Variants in BRWD1 observed in about 807,000 individuals in gnomAD.
BRWD1 encodes bromodomain and WD repeat domain containing 1.
In BRWD1, 82 loss-of-function variants were observed where a neutral mutation model predicts 251.2. That is an observed-to-expected ratio of 0.33 (90% confidence interval 0.27 to 0.39). BRWD1 has a LOEUF of 0.39. Ranked by LOEUF, BRWD1 falls within the 10% of genes least tolerant of loss-of-function variation. The pLI, the probability that BRWD1 is intolerant of heterozygous loss-of-function variation, is 1.00. For synonymous variants in BRWD1, 918 were observed against 902.8 expected (o/e 1.02, Z -0.30); for missense variants, 2,233 against 2,711.6 (o/e 0.82, Z 3.92).
intron 31 of BRWD1, 66 bp from the exon 32 acceptor site, chr21:39,215,428 C>T (rs1485007154): frequency 2.1e-6 from 3 of 1,402,062 alleles, no homozygotes; most frequent in Non-Finnish European, 2.0e-6. Flanking sequence ...TGAAAAAATG[C>T]AGCATGTGAA....
chr21:39,215,492 A>G, intron 31 of BRWD1, 130 bp from the exon 32 acceptor site: 2 of 744,876 alleles, frequency 2.7e-6, no homozygotes, highest in South Asian at 3.6e-5. Flanking sequence ...ATAATGAATA[A>G]CCTTCTAATG....
rs1366359186 is a variant in BRWD1 at position 39,270,318 on chromosome 21, T to C, written c.1360A>G (p.Asn454Asp). The C allele has an allele frequency of 2.5e-6, 4 of 1,609,506 alleles. No homozygotes were observed. Among genetic ancestry groups the C allele is most frequent in the Non-Finnish European group, 3.4e-6 (4 of 1,178,362 alleles). ...AVNDHVLKVW[N>D]SYTGQLLHNL... ...TGAAGCAGTTGTCCAGTGTAAGAAT[T>C]CCACACTTTGAGGACATGATCATTC... The change falls in exon 14 of 41, where the codon AAT (asparagine) becomes GAT (aspartate). Residue 454 changes from asparagine (N) to aspartate (D), a missense_variant. By Grantham distance (23) the Asn-to-Asp change is conservative (BLOSUM62 1). Coordinates refer to ENST00000342449, the MANE Select transcript of BRWD1 (RefSeq NM_033656.4).
At chr21:39,251,807 T>TA (rs1174365999) in intron 19 of BRWD1, among the ~76,000 whole-genome samples, 7 of 152,194 alleles carry the variant, frequency 4.6e-5, no homozygotes, top group African/African-American at 1.7e-4. Flanking sequence ...CTGATATCTG[T>TA]ATGTTTCCCT....
Position 39,191,803 on chromosome 21 carries a change from T to C in BRWD1, c.*4456A>G. 2 of 984,892 alleles carry C rather than the reference T, an allele frequency of 2.0e-6. No individual in the cohort carries two copies. Among genetic ancestry groups the C allele is most frequent in the South Asian group, 4.7e-5 (1 of 21,280 alleles). 61.0% of individuals were successfully genotyped at this position (984,892 alleles called of 1,614,324 possible). ...CAGTTAGGTCAATTGGACTGCCTCT[T>C]CTCTTTGGCAGTCTAAAATCTCATT... On this transcript the variant is annotated 3_prime_UTR_variant, in exon 41 of 41. Coordinates refer to ENST00000342449, the MANE Select transcript of BRWD1 (RefSeq NM_033656.4).
rs1330013437 is a variant in BRWD1 at position 39,215,382 on chromosome 21, A to C, written c.3660-20T>G. On this transcript the variant is annotated intron_variant, in intron 31 of 40. Transcript: ENST00000342449. ...AGCCTCCTTCAAAATAAAGTAGACA[A>C]TTTAGGGCTTAGAAAATGAGAAGAT... is the stretch of plus-strand genomic sequence containing the variant. The C allele has an allele frequency of 6.3e-7, 1 of 1,598,668 alleles. No individual in the cohort carries two copies. Among genetic ancestry groups the C allele is most frequent in the Admixed American group, 1.8e-5 (1 of 57,010 alleles).
intron 25 of BRWD1, among the ~76,000 whole-genome samples, chr21:39,230,960 G>T (rs571361742): frequency 2.0e-5 from 3 of 152,080 alleles, no homozygotes; most frequent in African/African-American, 7.2e-5. Context: ...AAGCAAGTAC[G>T]CAGTTCACAA....
At chr21:39,240,913 T>G (rs2033967577) in intron 21 of BRWD1, among the ~76,000 whole-genome samples, 1 of 148,266 alleles carries the variant, frequency 6.7e-6, no homozygotes, top group Non-Finnish European at 1.5e-5. Flanking sequence ...TTTTTTTTTG[T>G]TTTTTGAGAC....
In BRWD1 at chr21:39,199,206, C is replaced by T; in HGVS notation, c.5210G>A (p.Gly1737Asp). The T allele has an allele frequency of 6.2e-7, 1 of 1,614,146 alleles. No homozygotes were observed. Among genetic ancestry groups the T allele is most frequent in the Non-Finnish European group, 8.5e-7 (1 of 1,180,028 alleles). Residue 1737 changes from glycine (G) to aspartate (D), a missense_variant, in exon 40 of 41, where the codon GGT (glycine) becomes GAT (aspartate). By Grantham distance (94) the Gly-to-Asp change is moderately conservative. Coordinates refer to ENST00000342449, the MANE Select transcript of BRWD1 (RefSeq NM_033656.4). ...RVARKNWHANGYKSHTPAPSK... is the reference protein window; with the variant it reads ...RVARKNWHANDYKSHTPAPSK... ...AGGTGCTGGAGTATGGGACTTGTAA[C>T]CATTAGCATGCCAATTTTTCCGGGC...
At position 39,313,488 on chromosome 21, in the gene BRWD1, C is replaced by G. The variant is rs2036591531; in HGVS notation, c.4G>C (p.Ala2Pro). M[A>P]EPSSARRPVP... ...GGGCGTCGGGCGGACGACGGCTCCGCCATGGCCGGGCGCGGGGCGGGAGGC... is the reference window on the plus strand; with the variant it reads ...GGGCGTCGGGCGGACGACGGCTCCGGCATGGCCGGGCGCGGGGCGGGAGGC... The change falls in exon 1 of 41, where the codon GCG (alanine) becomes CCG (proline). Residue 2 changes from alanine (A) to proline (P), a missense_variant. This residue lies in a region of BRWD1 where 101 missense variants were observed against 95.6 expected (regional missense o/e 1.06). Coordinates refer to ENST00000342449, the MANE Select transcript of BRWD1 (RefSeq NM_033656.4). 1 of 1,336,960 alleles carries G rather than the reference C, an allele frequency of 7.5e-7. No individual in the cohort carries two copies. The highest frequency in any genetic ancestry group is 1.6e-5 in the African/African-American group (1 of 64,510). The allele number at this position is 1,336,960 out of a possible 1,614,324, so 82.8% of individuals were successfully genotyped here. A position where few individuals can be genotyped will look rare whatever the true frequency, so the allele number is the denominator to read the frequency against.
intron 23 of BRWD1, among the ~76,000 whole-genome samples, chr21:39,232,929 T>C (rs927902473): frequency 6.6e-6 from 1 of 152,114 alleles, no homozygotes; most frequent in Non-Finnish European, 1.5e-5. Flanking sequence ...AATAGTTCTC[T>C]CCTTTTCAAG....
chr21:39,311,444 T>G (rs1473599395), intron 4 of BRWD1, among the ~76,000 whole-genome samples: 1 of 152,188 alleles, frequency 6.6e-6, no homozygotes, highest in Non-Finnish European at 1.5e-5. Context: ...CATGAGCCAC[T>G]GCACCCAGCC....
At chr21:39,272,309 T>TA (rs1224051854) in intron 13 of BRWD1, among the ~76,000 whole-genome samples, 43,497 of 132,564 alleles carry the variant, frequency 0.33, 7,060 homozygotes, top group Admixed American at 0.42. Flanking sequence ...CTTAAATAAA[T>TA]AAAAAAAAAA....
upstream of BRWD1, chr21:39,313,649 G>C: frequency 2.1e-6 from 1 of 476,566 alleles, no homozygotes; most frequent in South Asian, 5.8e-5. Context: ...ACGCCTCCGC[G>C]GGGGAGGAAG....
At chr21:39,284,488 G>A (rs1193499310) in intron 8 of BRWD1, among the ~76,000 whole-genome samples, 3 of 152,186 alleles carry the variant, frequency 2.0e-5, no homozygotes, top group South Asian at 4.1e-4. Flanking sequence ...TGGGGGAGGC[G>A]GGAGAACCTC....
At chr21:39,298,666 G>T in intron 4 of BRWD1, 84 bp from the exon 5 acceptor site, 3 of 1,126,280 alleles carry the variant, frequency 2.7e-6, no homozygotes, top group South Asian at 2.2e-5. Context: ...GGCAAAATGT[G>T]AAAAACATAC....
chr21:39,256,399 T>C (rs2034564117), intron 18 of BRWD1, among the ~76,000 whole-genome samples: 1 of 152,188 alleles, frequency 6.6e-6, no homozygotes, highest in Admixed American at 6.5e-5. Context: ...CAAGAGATAA[T>C]CTGAGCCACC....
intron 15 of BRWD1, among the ~76,000 whole-genome samples, chr21:39,265,397 T>C (rs2034888572): frequency 6.6e-6 from 1 of 152,164 alleles, no homozygotes; most frequent in African/African-American, 2.4e-5. Flanking sequence ...TGTACTCCAC[T>C]GCACTCAAGC....
chr21:39,225,017 G>T, intron 28 of BRWD1, 69 bp downstream of exon 28: 1 of 1,156,022 alleles, frequency 8.7e-7, no homozygotes, highest in East Asian at 2.4e-5. Flanking sequence ...AACCAGAAAT[G>T]TATTATTTAT....
chr21:39,224,666 G>A (rs946792457), intron 28 of BRWD1, among the ~76,000 whole-genome samples, 197 bp from the exon 29 acceptor site: 2 of 152,054 alleles, frequency 1.3e-5, no homozygotes, highest in Admixed American at 1.3e-4. Flanking sequence ...AATCCTATGT[G>A]GCCTGCACCC....
Sources: allele counts gnomAD v4.1 joint callset (sites outside exome capture counted in the v4.1 genomes callset), GRCh38; gene constraint gnomAD v4.1.1; regional missense constraint gnomAD v4.1.1; transcripts MANE v1.5; gene names NCBI Gene and HGNC (gene_info 2026-07-23, HGNC 2026-07-21).